The following ALDH1A2 variants were observed in gnomAD, a reference collection of about 807,000 sequenced individuals.
ALDH1A2 encodes the protein retinal dehydrogenase 2.
A neutral mutation model predicts 60.3 loss-of-function variants in ALDH1A2; 27 were observed. The ratio of observed to expected loss-of-function variants is 0.45; its 90% CI spans 0.33 to 0.62. The LOEUF is 0.62. ALDH1A2 is among the 20% of genes least tolerant of loss of function. The pLI, the probability that ALDH1A2 is intolerant of heterozygous loss-of-function variation, is 0.02. For missense variants in ALDH1A2, 581 were observed against 643.8 expected (o/e 0.90, Z 1.06); for synonymous variants, 289 against 232.4 (o/e 1.24, Z -2.21).
intron 1 of ALDH1A2, among the ~76,000 whole-genome samples, chr15:58,058,511 T>G (rs1896950404): frequency 1.3e-5 from 2 of 150,470 alleles, no homozygotes; most frequent in Admixed American, 1.3e-4. Flanking sequence ...GACTTGAAAT[T>G]CAAAGTCCAA....
Position 57,992,934 on chromosome 15 carries a change from G to C in ALDH1A2, c.684+11C>G. 2 of 1,614,036 alleles carry C rather than the reference G, an allele frequency of 1.2e-6. No individual in the cohort carries two copies. Among genetic ancestry groups the C allele is most frequent in the Non-Finnish European group, 1.7e-6 (2 of 1,179,956 alleles). On this transcript the variant is annotated intron_variant, in intron 6 of 12. Transcript: ENST00000249750. Reference sequence around the variant, plus strand: ...GGAGTCAGAAGCACTCCCGAAGTCCGTTTCTCTTACCTCCTTGATGAGGGC... The same window carrying C: ...GGAGTCAGAAGCACTCCCGAAGTCCCTTTCTCTTACCTCCTTGATGAGGGC...
intron 7 of ALDH1A2, among the ~76,000 whole-genome samples, chr15:57,977,096 GTT>G (rs35805904): frequency 1.2e-3 from 178 of 145,644 alleles, no homozygotes; most frequent in East Asian, 4.0e-3. Flanking sequence ...ACTTTTCGAT[GTT>G]TTTTTTTTTT....
intron 4 of ALDH1A2, among the ~76,000 whole-genome samples, chr15:58,007,626 T>A (rs570793209): frequency 6.6e-6 from 1 of 152,090 alleles, no homozygotes; most frequent in East Asian, 1.9e-4. Context: ...CACATAGATA[T>A]TGTACATAAA....
intron 7 of ALDH1A2, among the ~76,000 whole-genome samples, chr15:57,971,077 C>T (rs1400388960): frequency 6.6e-6 from 1 of 152,180 alleles, no homozygotes; most frequent in Non-Finnish European, 1.5e-5. Flanking sequence ...ATTATGAAGG[C>T]CAGTATAACC....
At chr15:57,963,451 T>C (rs1893793743) in intron 9 of ALDH1A2, among the ~76,000 whole-genome samples, 1 of 151,466 alleles carries the variant, frequency 6.6e-6, no homozygotes, top group Non-Finnish European at 1.5e-5. Context: ...GCCATTCTCC[T>C]ACCTCAGCCT....
intron 1 of ALDH1A2, among the ~76,000 whole-genome samples, chr15:58,061,249 C>T (rs1354253897): frequency 6.6e-6 from 1 of 151,400 alleles, no homozygotes; most frequent in African/African-American, 2.4e-5. Context: ...ATACAAACAC[C>T]AAAAAGCTGC....
chr15:57,985,046 A>G (rs1187462138), intron 7 of ALDH1A2, among the ~76,000 whole-genome samples: 1 of 152,176 alleles, frequency 6.6e-6, no homozygotes, highest in Non-Finnish European at 1.5e-5. Flanking sequence ...GGATTTTTCC[A>G]TCTATACTCA....
chr15:57,980,302 C>A (rs1894448261), intron 7 of ALDH1A2: 5 of 414,024 alleles, frequency 1.2e-5, no homozygotes, highest in South Asian at 8.4e-5. Flanking sequence ...GCCTCATGTT[C>A]CCACTCTCAA....
chr15:58,032,272 A>G (rs544716530), intron 1 of ALDH1A2, among the ~76,000 whole-genome samples: 84 of 151,942 alleles, frequency 5.5e-4, no homozygotes, highest in Non-Finnish European at 1.1e-3. Context: ...ACCAAACACC[A>G]CATGTTCTCA....
chr15:57,982,343 A>T (rs1468805602), intron 7 of ALDH1A2, among the ~76,000 whole-genome samples: 2 of 152,210 alleles, frequency 1.3e-5, no homozygotes, highest in African/African-American at 4.8e-5. Context: ...TATGACTGAC[A>T]TATTTAATCT....
At chr15:58,045,050 G>GA (rs1279914116) in intron 1 of ALDH1A2, among the ~76,000 whole-genome samples, 2 of 151,630 alleles carry the variant, frequency 1.3e-5, no homozygotes, top group African/African-American at 4.8e-5. Context: ...AAATCTACAA[G>GA]AAAAAAACAA....
In ALDH1A2 at chr15:58,010,967, C is replaced by T. The variant is rs4646589; in HGVS notation, c.364-189G>A. 0.4 allele frequency among the ~76,000 whole-genome samples: 60,176 copies of T among 152,084 alleles called. 13,601 individuals carry two copies. Among genetic ancestry groups the T allele is most frequent in the South Asian group, 0.71 (3,437 of 4,826 alleles). ...GTTTGGTCTAGTTCCTAGTAAAAAC[C>T]ACAATGAGTATATATGTGCATATTC... On this transcript the variant is annotated intron_variant, in intron 3 of 12. Coordinates refer to ENST00000249750, the MANE Select transcript of ALDH1A2 (RefSeq NM_003888.4).
chr15:57,995,179 T>C, intron 4 of ALDH1A2, 40 bp from the exon 5 acceptor site: 1 of 1,391,878 alleles, frequency 7.2e-7, no homozygotes, highest in Non-Finnish European at 9.8e-7. Flanking sequence ...AAAGTTTAGA[T>C]TAGGAAAAAA....
intron 1 of ALDH1A2, among the ~76,000 whole-genome samples, chr15:58,029,263 T>C (rs1453254285): frequency 2.0e-5 from 3 of 152,104 alleles, no homozygotes; most frequent in Non-Finnish European, 2.9e-5. Context: ...CATAACTACA[T>C]GGAAACTGAA....
At chr15:57,998,880 A>C (rs1895156752) in intron 4 of ALDH1A2, among the ~76,000 whole-genome samples, 1 of 151,946 alleles carries the variant, frequency 6.6e-6, no homozygotes, top group South Asian at 2.1e-4. Context: ...AGAATAGAGA[A>C]ATCAGAGATA....
intron 1 of ALDH1A2, among the ~76,000 whole-genome samples, chr15:58,038,066 T>C (rs1566957171): frequency 6.6e-6 from 1 of 151,686 alleles, no homozygotes. Flanking sequence ...TCTGAAATCA[T>C]GGGATATGTC....
intron 7 of ALDH1A2, among the ~76,000 whole-genome samples, chr15:57,992,070 G>C (rs1297444207): frequency 1.3e-5 from 2 of 152,122 alleles, no homozygotes; most frequent in African/African-American, 4.8e-5. Context: ...AAAAAGATTA[G>C]CATTTGTAAT....
At chr15:58,058,105 A>G in intron 1 of ALDH1A2, 2 of 1,524,052 alleles carry the variant, frequency 1.3e-6, no homozygotes, top group Non-Finnish European at 1.8e-6. Context: ...TCCAATTTTC[A>G]CACCTAGAGA....
intron 7 of ALDH1A2, among the ~76,000 whole-genome samples, chr15:57,975,790 A>G (rs984560523): frequency 6.7e-6 from 1 of 149,972 alleles, no homozygotes; most frequent in East Asian, 2.0e-4. Context: ...GATAATCTAT[A>G]GTGCCAGAAA....
Sources: gnomAD v4.1 joint callset for allele counts (sites outside exome capture counted in the v4.1 genomes callset) on GRCh38, gnomAD v4.1.1 for gene constraint, MANE v1.5 for transcripts, NCBI Gene and HGNC (gene_info 2026-07-23, HGNC 2026-07-21) for gene names.